PPP3CA: variants seen among roughly 807,000 people sequenced by gnomAD.
PPP3CA encodes protein phosphatase 3 catalytic subunit alpha.
A neutral mutation model predicts 66.5 loss-of-function variants in PPP3CA; 14 were observed. The observed-to-expected ratio is 0.21, with a 90% confidence interval of 0.14 to 0.33. The LOEUF (loss-of-function observed/expected upper bound fraction) is 0.33. Among genes scored for constraint, PPP3CA ranks in the 10% least tolerant of loss-of-function variants. The pLI, the probability that PPP3CA is intolerant of heterozygous loss-of-function variation, is 1.00. For missense variants in PPP3CA, 317 were observed against 639.5 expected, an observed-to-expected ratio of 0.50 and a Z score of 5.44; for synonymous variants, 232 against 226.2, an observed-to-expected ratio of 1.03 and a Z score of -0.23.
intron 3 of PPP3CA, among the ~76,000 whole-genome samples, chr4:101,100,336 A>T (rs1730387372): frequency 6.6e-6 from 1 of 152,032 alleles, no homozygotes; most frequent in South Asian, 2.1e-4. Context: ...TATCTTTCCA[A>T]TTTTTCCATT....
intron 1 of PPP3CA, among the ~76,000 whole-genome samples, chr4:101,315,584 G>T (rs2850370): frequency 0.31 from 47,730 of 152,056 alleles, 7,910 homozygotes; most frequent in East Asian, 0.52. Context: ...AAGTATACAA[G>T]AAAGGTCCTA....
intron 5 of PPP3CA, among the ~76,000 whole-genome samples, chr4:101,094,299 C>T (rs1158511348): frequency 3.9e-5 from 6 of 152,070 alleles, no homozygotes; most frequent in Admixed American, 2.6e-4. Flanking sequence ...TGACTCTACC[C>T]CTGTTTCATT....
At chr4:101,324,150 GAGGGAGGAAGGAAGGA>G (rs1167117526) in intron 1 of PPP3CA, among the ~76,000 whole-genome samples, 5 of 97,484 alleles carry the variant, frequency 5.1e-5, no homozygotes, top group African/African-American at 1.9e-4. Context: ...GGAAGGAAGG[GAGGGAGGAAGGAAGGA>G]AGGAAGGAAG....
rs566167433 is a variant in PPP3CA, at chr4:101,042,419, G to T, written c.1157-1853C>A. ...TCTTGTGGCAACTATGCCATGGCAGGCACCTTTCAACATATCCAATGGGAA... is the reference window on the plus strand; with the variant it reads ...TCTTGTGGCAACTATGCCATGGCAGTCACCTTTCAACATATCCAATGGGAA... On this transcript the variant is annotated intron_variant, in intron 10 of 13. Coordinates refer to ENST00000394854, the MANE Select transcript of PPP3CA (RefSeq NM_000944.5). Among the ~76,000 whole-genome samples, 310 of 152,202 alleles carry T rather than the reference G, an allele frequency of 2.0e-3. 16 individuals are homozygous for T. In the South Asian group the frequency reaches 0.06, roughly 30 times the overall value.
At position 101,175,309 on chromosome 4, in the gene PPP3CA, G is replaced by T. The variant is rs143619848; in HGVS notation, c.259+20607C>A. Among the ~76,000 whole-genome samples the T allele has an allele frequency of 4.3e-3, 652 of 152,222 alleles. 2 individuals carry two copies. The highest frequency in any genetic ancestry group is 0.015 in the African/African-American group (609 of 41,542). The stretch of plus-strand genomic sequence containing the variant: ...AGGGGCTGACCTGTGGTAGACTTCT[G>T]GGAAAGAGTAATAGCCAACTATAAT... On this transcript the variant is annotated intron_variant, in intron 2 of 13. Coordinates refer to ENST00000394854, the MANE Select transcript of PPP3CA (RefSeq NM_000944.5).
chr4:101,229,862 C>CA (rs1369083598), intron 1 of PPP3CA, among the ~76,000 whole-genome samples: 1 of 149,964 alleles, frequency 6.7e-6, no homozygotes, highest in Non-Finnish European at 1.5e-5. Context: ...GCAAATAGGG[C>CA]AAAAAGAAAA....
intron 2 of PPP3CA, among the ~76,000 whole-genome samples, chr4:101,174,633 G>A (rs1316971177): frequency 6.6e-6 from 1 of 152,144 alleles, no homozygotes; most frequent in Non-Finnish European, 1.5e-5. Context: ...TTTAAGGGGA[G>A]CCTGTGGGTG....
chr4:101,090,641 C>CAAA (rs1218660976), intron 6 of PPP3CA, among the ~76,000 whole-genome samples: 36 of 65,606 alleles, frequency 5.5e-4, no homozygotes, highest in Non-Finnish European at 6.0e-4. Flanking sequence ...GACTCTGTCT[C>CAAA]AAAAAAAAAA....
In PPP3CA at chr4:101,102,235, G is replaced by T. The variant is rs561936171; in HGVS notation, c.385-2513C>A. Among the ~76,000 whole-genome samples the T allele has an allele frequency of 6.6e-5, 10 of 151,464 alleles. No homozygotes were observed. In the South Asian group the frequency reaches 1.5e-3, roughly 22 times the overall value. On this transcript the variant is annotated intron_variant, in intron 3 of 13. Coordinates refer to ENST00000394854, the MANE Select transcript of PPP3CA (RefSeq NM_000944.5). Reference sequence around the variant, plus strand: ...GTAAATGAAGAAGGAAAGAAAGGAGGGAGGGAGGCAGAGAAAGGAAGGAAG... The same window carrying T: ...GTAAATGAAGAAGGAAAGAAAGGAGTGAGGGAGGCAGAGAAAGGAAGGAAG...
intron 1 of PPP3CA, among the ~76,000 whole-genome samples, chr4:101,298,619 C>T (rs1224074377): frequency 6.6e-6 from 1 of 151,944 alleles, no homozygotes; most frequent in Non-Finnish European, 1.5e-5. Flanking sequence ...TGATTTTCTT[C>T]GTAACATTTT....
At chr4:101,051,360 T>C (rs1048358098) in intron 10 of PPP3CA, among the ~76,000 whole-genome samples, 4 of 152,254 alleles carry the variant, frequency 2.6e-5, no homozygotes, top group South Asian at 2.1e-4. Context: ...AACTGTGGAC[T>C]CACAACTCTC....
At chr4:101,034,138 C>T (rs1727137041) in intron 11 of PPP3CA, among the ~76,000 whole-genome samples, 1 of 152,070 alleles carries the variant, frequency 6.6e-6, no homozygotes, top group Non-Finnish European at 1.5e-5. Flanking sequence ...AAACAGCTAC[C>T]CCACACTCTC....
In PPP3CA at chr4:101,346,902, C is replaced by CGCA; in HGVS notation, c.-107_-106insTGC. ...ACGCCGCCGCCGCCGCCGCCGCCGCCGCGCTGCAAACCGCTCGGCTGGAGG... is the reference window on the plus strand; with the variant it reads ...ACGCCGCCGCCGCCGCCGCCGCCGCCGCAGCGCTGCAAACCGCTCGGCTGGAGG... On this transcript the variant is annotated 5_prime_UTR_variant, in exon 1 of 14. Transcript: ENST00000394854. 1 of 1,372,214 alleles carries CGCA rather than the reference C, an allele frequency of 7.3e-7. No individual in the cohort carries two copies. 85.0% of individuals were successfully genotyped at this position (1,372,214 alleles called of 1,614,324 possible). A position where few individuals can be genotyped will look rare whatever the true frequency, so the allele number is the denominator to read the frequency against.
At chr4:101,240,062 G>A (rs1726257517) in intron 1 of PPP3CA, among the ~76,000 whole-genome samples, 1 of 150,348 alleles carries the variant, frequency 6.7e-6, no homozygotes, top group African/African-American at 2.5e-5. Context: ...GGGGAGGTGA[G>A]GTAGATAGTT....
intron 1 of PPP3CA, among the ~76,000 whole-genome samples, chr4:101,210,384 C>T (rs1725263878): frequency 1.3e-5 from 2 of 152,122 alleles, no homozygotes; most frequent in South Asian, 4.1e-4. Context: ...AGCCAGACTG[C>T]CTAGGTAAAC....
chr4:101,204,215 T>C (rs1725056298), intron 1 of PPP3CA, among the ~76,000 whole-genome samples: 1 of 152,104 alleles, frequency 6.6e-6, no homozygotes, highest in Non-Finnish European at 1.5e-5. Flanking sequence ...TTATGTTACC[T>C]AGGCTTGTCT....
intron 1 of PPP3CA, among the ~76,000 whole-genome samples, chr4:101,340,191 G>A (rs1226570178): frequency 1.3e-5 from 2 of 152,120 alleles, no homozygotes; most frequent in Non-Finnish European, 2.9e-5. Context: ...TTTGCAGACA[G>A]ACACAAGCAA....
At chr4:101,107,282 A>G (rs954306034) in intron 3 of PPP3CA, among the ~76,000 whole-genome samples, 1 of 152,216 alleles carries the variant, frequency 6.6e-6, no homozygotes, top group Non-Finnish European at 1.5e-5. Context: ...TTAATAATCC[A>G]TTTAAATTAC....
intron 1 of PPP3CA, among the ~76,000 whole-genome samples, chr4:101,290,001 T>C (rs1221954026): frequency 6.6e-6 from 1 of 151,906 alleles, no homozygotes; most frequent in Non-Finnish European, 1.5e-5. Context: ...GGAAGGAAGC[T>C]AGCCTGACAT....
Sources: gnomAD v4.1 joint callset for allele counts (sites outside exome capture counted in the v4.1 genomes callset) on GRCh38, gnomAD v4.1.1 for gene constraint, MANE v1.5 for transcripts, NCBI Gene and HGNC (gene_info 2026-07-23, HGNC 2026-07-21) for gene names.